The following MARCHF1 variants were observed in gnomAD, a reference collection of about 807,000 sequenced individuals.
The protein encoded by MARCHF1 is membrane associated ring-CH-type finger 1.
A neutral mutation model predicts 54.2 loss-of-function variants in MARCHF1; 40 were observed. That is an observed-to-expected ratio of 0.74 (90% CI 0.57 to 0.96). The LOEUF is 0.96. MARCHF1 is among the 40% of genes least tolerant of loss of function. MARCHF1 has a pLI of 0.00. For missense variants in MARCHF1, 586 were observed against 656.5 expected (o/e 0.89, Z 1.17); for synonymous variants, 236 against 236.3 (o/e 1.00, Z 0.01).
intron 1 of MARCHF1, among the ~76,000 whole-genome samples, chr4:164,337,880 G>A (rs1729797425): frequency 2.6e-5 from 4 of 152,168 alleles, no homozygotes; most frequent in Admixed American, 2.6e-4. Flanking sequence ...CTTGGATCAA[G>A]AAAAGGCACA....
intron 2 of MARCHF1, among the ~76,000 whole-genome samples, chr4:164,099,009 G>C (rs925991828): frequency 1.1e-4 from 17 of 152,202 alleles, no homozygotes; most frequent in African/African-American, 3.9e-4. Flanking sequence ...TTCACATATA[G>C]TTAATGTTGA....
At chr4:163,778,805 C>T (rs776756129) in intron 4 of MARCHF1, among the ~76,000 whole-genome samples, 9 of 151,748 alleles carry the variant, frequency 5.9e-5, no homozygotes, top group African/African-American at 1.5e-4. Context: ...AATGTGTACA[C>T]GTGGATGATG....
intron 1 of MARCHF1, among the ~76,000 whole-genome samples, chr4:164,370,966 T>C (rs1202055487): frequency 5.3e-5 from 8 of 151,954 alleles, no homozygotes; most frequent in African/African-American, 1.5e-4. Flanking sequence ...ATGGCAAAGT[T>C]TGTGAGAACA....
chr4:163,896,200 A>C (rs1750802152), intron 3 of MARCHF1, among the ~76,000 whole-genome samples: 1 of 152,190 alleles, frequency 6.6e-6, no homozygotes, highest in South Asian at 2.1e-4. Context: ...GCTCAGGTTT[A>C]TTAGCAGGCA....
At chr4:163,861,057 C>T (rs900383071) in intron 3 of MARCHF1, among the ~76,000 whole-genome samples, 3 of 152,080 alleles carry the variant, frequency 2.0e-5, no homozygotes, top group East Asian at 1.9e-4. Flanking sequence ...AAGGACTATA[C>T]TGGAAAAAGG....
chr4:163,932,651 C>G, intron 3 of MARCHF1: 1 of 464,468 alleles, frequency 2.2e-6, no homozygotes, highest in South Asian at 1.8e-5. Context: ...ACCTGCTTTC[C>G]GTGGCCTACA....
chr4:163,989,666 C>T (rs35475918), intron 2 of MARCHF1, among the ~76,000 whole-genome samples: 7,037 of 152,270 alleles, frequency 0.046, 249 homozygotes, highest in Non-Finnish European at 0.069. Flanking sequence ...CCTACTCTCT[C>T]AGTGAAGTAA....
chr4:163,970,053 C>T (rs745891996), intron 3 of MARCHF1, among the ~76,000 whole-genome samples: 3 of 152,138 alleles, frequency 2.0e-5, no homozygotes, highest in Non-Finnish European at 4.4e-5. Context: ...CTCACATATT[C>T]AGAGGGCCCG....
chr4:164,286,711 T>TATATA (rs60993534), intron 1 of MARCHF1, among the ~76,000 whole-genome samples: 106,183 of 147,728 alleles, frequency 0.72, 38,769 homozygotes, highest in Non-Finnish European at 0.78. Context: ...AACTATTATA[T>TATATA]ATATATTTTA....
intron 1 of MARCHF1, among the ~76,000 whole-genome samples, chr4:164,317,574 C>T (rs1245095114): frequency 1.3e-5 from 2 of 152,124 alleles, no homozygotes; most frequent in East Asian, 3.9e-4. Context: ...ACACGTCTGC[C>T]CTTGTCTCAT....
chr4:164,136,907 G>A (rs1315841121), intron 1 of MARCHF1, among the ~76,000 whole-genome samples: 4 of 152,120 alleles, frequency 2.6e-5, no homozygotes, highest in Non-Finnish European at 5.9e-5. Context: ...TGTGACATGG[G>A]GGTAGATATA....
At chr4:163,713,694 T>C (rs1358084742) in intron 4 of MARCHF1, among the ~76,000 whole-genome samples, 1 of 152,172 alleles carries the variant, frequency 6.6e-6, no homozygotes. Context: ...AAATATGCTA[T>C]AAAATATTTA....
intron 1 of MARCHF1, among the ~76,000 whole-genome samples, chr4:164,149,679 G>A (rs780692910): frequency 1.3e-5 from 2 of 151,998 alleles, no homozygotes; most frequent in Non-Finnish European, 2.9e-5. Flanking sequence ...AAAAATTCCT[G>A]GTTTTGGTCA....
At chr4:164,136,360 G>C (rs1430529830) in intron 1 of MARCHF1, among the ~76,000 whole-genome samples, 1 of 151,876 alleles carries the variant, frequency 6.6e-6, no homozygotes, top group African/African-American at 2.4e-5. Flanking sequence ...TCCTGCAGAG[G>C]GGCCCAGCTA....
At chr4:163,894,583 C>CATATATATATATGCATGTGATGCAT (rs1750737180) in intron 3 of MARCHF1, among the ~76,000 whole-genome samples, 1 of 56,202 alleles carries the variant, frequency 1.8e-5, no homozygotes, top group African/African-American at 4.4e-5. Context: ...GCATGTGATG[C>CATATATATATATGCATGTGATGCAT]ATATATATAT....
At chr4:164,228,869 C>A (rs986101134) in intron 1 of MARCHF1, among the ~76,000 whole-genome samples, 3 of 151,952 alleles carry the variant, frequency 2.0e-5, no homozygotes, top group Non-Finnish European at 4.4e-5. Context: ...AAAGTAATGC[C>A]CAGATAATGA....
chr4:164,187,884 C>CT (rs918747139), intron 1 of MARCHF1, among the ~76,000 whole-genome samples: 1 of 152,106 alleles, frequency 6.6e-6, no homozygotes, highest in African/African-American at 2.4e-5. Context: ...CTTTCCCCAT[C>CT]TTTTTTTGAC....
intron 9 of MARCHF1, among the ~76,000 whole-genome samples, chr4:163,539,368 T>C (rs1738650892): frequency 6.6e-6 from 1 of 152,196 alleles, no homozygotes; most frequent in South Asian, 2.1e-4. Flanking sequence ...TTACTTAAAA[T>C]TGGAGGTAAT....
chr4:163,662,930 C>G (rs770661094), intron 5 of MARCHF1, among the ~76,000 whole-genome samples: 13 of 151,960 alleles, frequency 8.6e-5, no homozygotes, highest in Non-Finnish European at 2.9e-5. Context: ...AGTAACCTCA[C>G]CCCTTCTTCA....
Sources: gnomAD v4.1 joint callset for allele counts (sites outside exome capture counted in the v4.1 genomes callset) on GRCh38, gnomAD v4.1.1 for gene constraint, MANE v1.5 for transcripts, NCBI Gene and HGNC (gene_info 2026-07-23, HGNC 2026-07-21) for gene names.